Variants in PCDH15 observed in about 807,000 individuals in gnomAD.
The protein encoded by PCDH15 is protocadherin-15.
Under a neutral mutation model 178.5 loss-of-function variants are expected in PCDH15, and 129 were observed. The ratio of observed to expected loss-of-function variants is 0.72; its 90% confidence interval spans 0.63 to 0.84. PCDH15 has a LOEUF of 0.84. Ranked by LOEUF, PCDH15 falls within the 40% of genes least tolerant of loss-of-function variation. The pLI, the probability that PCDH15 is intolerant of heterozygous loss-of-function variation, is 0.00. For missense variants in PCDH15, 2,230 were observed against 2,099.9 expected (o/e 1.06, Z -1.21); for synonymous variants, 800 against 732.0 (o/e 1.09, Z -1.50).
chr10:53,808,462 T>C lies in PCDH15; in HGVS notation c.4672-1332A>G, dbSNP rs1478998723. On this transcript the variant is annotated intron_variant, in intron 37 of 37. Coordinates refer to ENST00000644397, the MANE Select transcript of PCDH15 (RefSeq NM_001384140.1). ...ATATTGATTAGCTGATTGCATGTGT[T>C]CTGATTTACTAATATAGGAAGGATT... The C allele has an allele frequency of 2.3e-6, 3 of 1,330,348 alleles. No individual in the cohort carries two copies. In the East Asian group the frequency reaches 8.4e-5, roughly 37 times the overall value. The allele number at this position is 1,330,348 out of a possible 1,614,324, so 82.4% of individuals were successfully genotyped here.
intron 3 of PCDH15, among the ~76,000 whole-genome samples, chr10:54,461,072 G>A (rs1049942981): frequency 6.6e-6 from 1 of 151,488 alleles, no homozygotes; most frequent in African/African-American, 2.4e-5. Flanking sequence ...CCTGCTATAA[G>A]AGTGACAGCA....
intron 2 of PCDH15, among the ~76,000 whole-genome samples, chr10:55,014,611 T>A (rs1006256953): frequency 1.3e-5 from 2 of 152,162 alleles, no homozygotes; most frequent in African/African-American, 4.8e-5. Flanking sequence ...GATGTTATAT[T>A]CATTTTGCTA....
At chr10:55,104,489 G>C (rs991841674) in intron 2 of PCDH15, among the ~76,000 whole-genome samples, 2 of 152,024 alleles carry the variant, frequency 1.3e-5, no homozygotes, top group Non-Finnish European at 2.9e-5. Flanking sequence ...TTGAGTCCAT[G>C]GGTATGCTTT....
chr10:54,625,820 C>T (rs1023327677), intron 2 of PCDH15, among the ~76,000 whole-genome samples: 1 of 152,106 alleles, frequency 6.6e-6, no homozygotes, highest in African/African-American at 2.4e-5. Flanking sequence ...AACTGGCTAA[C>T]AGGCAGAGGT....
intron 2 of PCDH15, among the ~76,000 whole-genome samples, chr10:55,541,962 C>T (rs1841768548): frequency 6.6e-6 from 1 of 151,628 alleles, no homozygotes. Context: ...AATTATGCTA[C>T]AATAAATGAG....
intron 21 of PCDH15, among the ~76,000 whole-genome samples, chr10:53,989,704 A>T (rs971993923): frequency 1.3e-5 from 2 of 152,144 alleles, no homozygotes; most frequent in African/African-American, 4.8e-5. Context: ...TGAGCTGTGT[A>T]TATTCCCTCC....
intron 8 of PCDH15, among the ~76,000 whole-genome samples, chr10:54,277,894 A>ATGAAG: frequency 6.6e-6 from 1 of 151,262 alleles, no homozygotes; most frequent in South Asian, 2.1e-4. Flanking sequence ...GGTTTGAAAA[A>ATGAAG]TGGAAAGATG....
chr10:55,104,775 C>T (rs567785032), intron 2 of PCDH15, among the ~76,000 whole-genome samples: 9 of 152,156 alleles, frequency 5.9e-5, no homozygotes, highest in Middle Eastern at 3.4e-3. Context: ...GGAAAAAATC[C>T]GGCATCACTA....
intron 1 of PCDH15, among the ~76,000 whole-genome samples, chr10:54,691,848 C>T (rs2095127081): frequency 6.6e-6 from 1 of 152,062 alleles, no homozygotes; most frequent in African/African-American, 2.4e-5. Flanking sequence ...TTTAGCTTTA[C>T]TGACTTTACA....
chr10:54,153,106 T>C lies in PCDH15; in HGVS notation c.1778A>G (p.Glu593Gly). 1.2e-6 allele frequency: 2 copies of C among 1,613,760 alleles called. No homozygotes were observed. The highest frequency in any genetic ancestry group is 1.7e-6 in the Non-Finnish European group (2 of 1,179,792). Reference protein sequence around the residue: ...VQAADNAPPAERRNSICTVYI... With the variant: ...VQAADNAPPAGRRNSICTVYI... ...TGGTTCTAATATAAATTACCTTCGC[T>C]CTGCAGGAGGAGCATTATCCGCTGC... Residue 593 changes from glutamate to glycine, a missense_variant, in exon 14 of 38, where the codon GAG becomes GGG. Transcript: ENST00000644397.
intron 2 of PCDH15, among the ~76,000 whole-genome samples, chr10:55,003,963 C>T (rs892096966): frequency 1.3e-5 from 2 of 152,108 alleles, no homozygotes; most frequent in African/African-American, 4.8e-5. Context: ...TGGCTGGGCT[C>T]GGGAGGCCTT....
chr10:55,024,935 G>GT (rs747596952), intron 2 of PCDH15, among the ~76,000 whole-genome samples: 15 of 151,672 alleles, frequency 9.9e-5, no homozygotes, highest in Non-Finnish European at 1.3e-4. Flanking sequence ...GCAAAACCAT[G>GT]GTTTTTTTTA....
At chr10:54,225,400 A>T (rs2053321488) in intron 9 of PCDH15, among the ~76,000 whole-genome samples, 1 of 152,184 alleles carries the variant, frequency 6.6e-6, no homozygotes, top group Admixed American at 6.5e-5. Flanking sequence ...TCCCCAAGTT[A>T]CTTTCACTAG....
intron 1 of PCDH15, among the ~76,000 whole-genome samples, chr10:55,273,485 A>G (rs1433800032): frequency 6.6e-6 from 1 of 152,126 alleles, no homozygotes; most frequent in Non-Finnish European, 1.5e-5. Context: ...TATAACTGGT[A>G]GAATGATGAC....
Position 54,416,970 on chromosome 10 carries a change from G to T in PCDH15, c.158-38028C>A, listed in dbSNP as rs368736258. ...CCTTTGCCCACTTTTTGATGGGGTT[G>T]TTTTTTTCTTGTAAATTTGTTTAAG... On this transcript the variant is annotated intron_variant, in intron 3 of 37. Transcript: ENST00000644397. Among the ~76,000 whole-genome samples, 61 of 152,146 alleles carry T rather than the reference G, an allele frequency of 4.0e-4. 1 individual carries two copies. Among genetic ancestry groups the T allele is most frequent in the African/African-American group, 1.3e-3 (52 of 41,504 alleles).
At chr10:54,318,043 A>G (rs1591771605) in intron 7 of PCDH15, among the ~76,000 whole-genome samples, 1 of 152,142 alleles carries the variant, frequency 6.6e-6, no homozygotes, top group South Asian at 2.1e-4. Context: ...TACTTTAGAA[A>G]CCTTGTAATT....
intron 1 of PCDH15, among the ~76,000 whole-genome samples, chr10:55,263,151 T>C (rs537543800): frequency 1.3e-5 from 2 of 152,298 alleles, no homozygotes; most frequent in Admixed American, 6.5e-5. Flanking sequence ...TGTAAAACCC[T>C]GGCACTTCTC....
Position 55,081,969 on chromosome 10 carries a change from T to C in PCDH15, c.-80+84607A>G, listed in dbSNP as rs150637930. ...AAGAGAGAGGCACACCCCTACATGA[T>C]AATAGTTGGAGACTTCAACACCCCC... On this transcript the variant is annotated intron_variant, in intron 2 of 5. Coordinates refer to the PCDH15 transcript ENST00000458638. Among the ~76,000 whole-genome samples the C allele has an allele frequency of 4.3e-4, 65 of 152,256 alleles. No homozygotes were observed. The East Asian group carries it at 0.012, about 29-fold the overall frequency.
At chr10:55,156,856 C>T (rs1313276439) in intron 2 of PCDH15, among the ~76,000 whole-genome samples, 2 of 152,002 alleles carry the variant, frequency 1.3e-5, no homozygotes, top group African/African-American at 4.8e-5. Context: ...AAGTGTTATG[C>T]ATATAAATTT....
Sources: gnomAD v4.1 joint callset for allele counts (sites outside exome capture counted in the v4.1 genomes callset) on GRCh38, gnomAD v4.1.1 for gene constraint, MANE v1.5 for transcripts, NCBI Gene and HGNC (gene_info 2026-07-23, HGNC 2026-07-21) for gene names.